The following CPA6 variants were observed in gnomAD, a reference collection of about 807,000 sequenced individuals.
CPA6 encodes carboxypeptidase A6, also known as carboxypeptidase B.
In CPA6, 58 loss-of-function variants were observed where a neutral mutation model predicts 63.3. That is an observed-to-expected ratio of 0.92 (90% CI 0.74 to 1.14). The LOEUF (loss-of-function observed/expected upper bound fraction) is 1.14, where lower values mean the gene tolerates loss of function less well. Ranked by LOEUF, CPA6 falls within the 50% of genes most tolerant of loss-of-function variation. The probability of loss-of-function intolerance (pLI) is 0.00; values close to 1 mark genes in which losing one functional copy is unlikely to be tolerated. For missense variants in CPA6, 565 were observed against 526.6 expected, an observed-to-expected ratio of 1.07 and a Z score of -0.71; for synonymous variants, 185 against 179.0, an observed-to-expected ratio of 1.03 and a Z score of -0.27.
chr8:67,490,177 T>C (rs539660845), intron 6 of CPA6, among the ~76,000 whole-genome samples: 75 of 152,358 alleles, frequency 4.9e-4, no homozygotes, highest in African/African-American at 1.7e-3. Context: ...TTGTCTTTTA[T>C]GGTTTAGGTA....
chr8:67,511,654 C>G lies in CPA6; in HGVS notation c.319G>C (p.Val107Leu). 1 of 1,576,776 alleles carries G rather than the reference C, an allele frequency of 6.3e-7. No homozygotes were observed. Among genetic ancestry groups the G allele is most frequent in the Non-Finnish European group, 8.7e-7 (1 of 1,146,778 alleles). ...GTTTTCTGAAGATCTTCTATGAGGA[C>G]CCTGAATTTGGAATGACAGACATGA... The part of the protein sequence containing the change: ...FLQEANIQYK[V>L]LIEDLQKTLE... The change falls in exon 4 of 11, where the codon GTC (valine) becomes CTC (leucine). Residue 107 changes from valine (V) to leucine (L), a missense_variant and splice_region_variant. Coordinates refer to ENST00000297770, the MANE Select transcript of CPA6 (RefSeq NM_020361.5).
At chr8:67,665,418 G>T (rs1816204952) in intron 1 of CPA6, among the ~76,000 whole-genome samples, 1 of 152,142 alleles carries the variant, frequency 6.6e-6, no homozygotes, top group Admixed American at 6.5e-5. Flanking sequence ...TGGCACAGTA[G>T]CACATCTCTC....
Position 67,746,203 on chromosome 8 carries a change from A to T in CPA6, c.-74T>A. The T allele has an allele frequency of 9.9e-7, 1 of 1,012,654 alleles. No individual in the cohort carries two copies. The highest frequency in any genetic ancestry group is 1.5e-6 in the Non-Finnish European group (1 of 677,868). The allele number at this position is 1,012,654 out of a possible 1,614,324, so 62.7% of individuals were successfully genotyped here. A position where few individuals can be genotyped will look rare whatever the true frequency, so the allele number is the denominator to read the frequency against. ...CTGGAGGTGGCTCACAGCACCCTCTACACACCGCACAGGTTCTCCGGGAAG... is the reference window on the plus strand; with the variant it reads ...CTGGAGGTGGCTCACAGCACCCTCTTCACACCGCACAGGTTCTCCGGGAAG... On this transcript the variant is annotated 5_prime_UTR_variant, in exon 1 of 11. Coordinates refer to ENST00000297770, the MANE Select transcript of CPA6 (RefSeq NM_020361.5).
intron 2 of CPA6, among the ~76,000 whole-genome samples, chr8:67,620,307 T>C (rs1410025541): frequency 6.6e-6 from 1 of 152,186 alleles, no homozygotes; most frequent in Non-Finnish European, 1.5e-5. Flanking sequence ...TCATTTCCCT[T>C]CTGCCATATA....
At chr8:67,591,921 A>G (rs1014767112) in intron 2 of CPA6, among the ~76,000 whole-genome samples, 1 of 152,140 alleles carries the variant, frequency 6.6e-6, no homozygotes, top group African/African-American at 2.4e-5. Flanking sequence ...TTCCAACACT[A>G]TGTTGAATAG....
intron 1 of CPA6, among the ~76,000 whole-genome samples, chr8:67,695,166 A>T (rs567224229): frequency 1.3e-5 from 2 of 152,162 alleles, no homozygotes; most frequent in African/African-American, 4.8e-5. Flanking sequence ...GATGCCACTC[A>T]GTCTCTTTCC....
intron 2 of CPA6, among the ~76,000 whole-genome samples, chr8:67,555,220 A>G (rs553899987): frequency 8.5e-5 from 13 of 152,252 alleles, no homozygotes; most frequent in Admixed American, 3.3e-4. Context: ...TAGCTTCAAT[A>G]TGGTGGCTGG....
At chr8:67,562,676 CT>C (rs1308771589) in intron 2 of CPA6, among the ~76,000 whole-genome samples, 1 of 152,090 alleles carries the variant, frequency 6.6e-6, no homozygotes, top group Non-Finnish European at 1.5e-5. Context: ...TGGATTAGTG[CT>C]CTTGTAAAAG....
In CPA6 at chr8:67,707,013, T is replaced by C. The variant is rs1016524328; in HGVS notation, c.116+39001A>G. Among the ~76,000 whole-genome samples the C allele has an allele frequency of 3.3e-5, 5 of 152,244 alleles. No individual in the cohort carries two copies. The South Asian group carries it at 6.2e-4, about 19-fold the overall frequency. ...AATTATCATTGTTATGTTAAATTAT[T>C]TTGTGCCTCAGAGGTAACACATTTC... On this transcript the variant is annotated intron_variant, in intron 1 of 10. Coordinates refer to ENST00000297770, the MANE Select transcript of CPA6 (RefSeq NM_020361.5).
chr8:67,436,962 C>T (rs531313485), intron 8 of CPA6, among the ~76,000 whole-genome samples: 3 of 152,190 alleles, frequency 2.0e-5, no homozygotes, highest in African/African-American at 4.8e-5. Flanking sequence ...TCTTGAGGAC[C>T]GTAAGTGTAG....
chr8:67,430,529 AC>A (rs919249742), intron 9 of CPA6, among the ~76,000 whole-genome samples: 6 of 152,224 alleles, frequency 3.9e-5, no homozygotes, highest in African/African-American at 1.4e-4. Flanking sequence ...ACCGAATCTT[AC>A]ATATTGATGG....
intron 9 of CPA6, among the ~76,000 whole-genome samples, chr8:67,431,307 T>C (rs1049993140): frequency 6.6e-6 from 1 of 152,124 alleles, no homozygotes; most frequent in African/African-American, 2.4e-5. Flanking sequence ...TGATGCCATC[T>C]TGGCTCACTG....
chr8:67,449,544 A>G (rs1431606811), intron 8 of CPA6, among the ~76,000 whole-genome samples: 1 of 152,198 alleles, frequency 6.6e-6, no homozygotes, highest in Non-Finnish European at 1.5e-5. Flanking sequence ...ATTGCATTCA[A>G]TTTGTACTGA....
chr8:67,535,336 G>A (rs1042989109), intron 2 of CPA6, among the ~76,000 whole-genome samples: 9 of 152,090 alleles, frequency 5.9e-5, no homozygotes, highest in African/African-American at 1.2e-4. Context: ...GTGTAAAAGC[G>A]TTCCCATTTC....
intron 2 of CPA6, among the ~76,000 whole-genome samples, chr8:67,613,032 A>C (rs553720805): frequency 9.6e-4 from 147 of 152,338 alleles, no homozygotes; most frequent in African/African-American, 3.3e-3. Context: ...AGGTTAGGTG[A>C]GGCTCTAATG....
At chr8:67,478,349 A>C (rs1485465781) in intron 8 of CPA6, among the ~76,000 whole-genome samples, 1 of 152,160 alleles carries the variant, frequency 6.6e-6, no homozygotes, top group Non-Finnish European at 1.5e-5. Context: ...TAAACTGATA[A>C]ACATATATAA....
At chr8:67,736,720 A>T (rs1330201777) in intron 1 of CPA6, among the ~76,000 whole-genome samples, 1 of 152,178 alleles carries the variant, frequency 6.6e-6, no homozygotes, top group Non-Finnish European at 1.5e-5. Context: ...AGTTTCTGGA[A>T]TCTATTTCAT....
rs1280219750 is a variant in CPA6 at position 67,713,111 on chromosome 8, A to G, written c.116+32903T>C. On this transcript the variant is annotated intron_variant, in intron 1 of 10. Transcript: ENST00000297770. The stretch of plus-strand genomic sequence containing the variant: ...TGTGTGTGTGTGTGTATATATATAT[A>G]TATATATATATATATATATATATAT... 4.0e-3 allele frequency among the ~76,000 whole-genome samples: 410 copies of G among 102,514 alleles called. 3 individuals are homozygous for G. The highest frequency in any genetic ancestry group is 0.015 in the African/African-American group (394 of 25,930). 67.3% of individuals were successfully genotyped at this position (102,514 alleles called of 152,430 possible).
intron 1 of CPA6, among the ~76,000 whole-genome samples, chr8:67,688,653 T>C (rs1043021722): frequency 4.6e-5 from 7 of 152,228 alleles, no homozygotes; most frequent in African/African-American, 1.7e-4. Flanking sequence ...AATCTTAAAG[T>C]TCTTTTCTGC....
Sources: allele counts gnomAD v4.1 joint callset (sites outside exome capture counted in the v4.1 genomes callset), GRCh38; gene constraint gnomAD v4.1.1; transcripts MANE v1.5; gene names NCBI Gene and HGNC (gene_info 2026-07-23, HGNC 2026-07-21).